The following DGKB variants were observed in gnomAD, a reference collection of about 807,000 sequenced individuals.
DGKB encodes diacylglycerol kinase beta.
In DGKB, 67 loss-of-function variants were observed where a neutral mutation model predicts 114.3. The ratio of observed to expected loss-of-function variants is 0.59; its 90% CI spans 0.48 to 0.72. DGKB has a LOEUF of 0.72. Ranked by LOEUF, DGKB falls within the 30% of genes least tolerant of loss-of-function variation. The pLI is 0.00. For synonymous variants in DGKB, 398 were observed against 323.1 expected (o/e 1.23, Z -2.49); for missense variants, 907 against 975.2 (o/e 0.93, Z 0.93).
intron 23 of DGKB, among the ~76,000 whole-genome samples, chr7:14,199,971 C>T (rs538559932): frequency 6.6e-6 from 1 of 151,906 alleles, no homozygotes; most frequent in Admixed American, 6.6e-5. Context: ...GTACAGGGCA[C>T]AAAAAGAGAC....
rs188381818 is a variant in DGKB, at chr7:14,599,792, G to T, written c.1433+7642C>A. 2.3e-3 allele frequency among the ~76,000 whole-genome samples: 350 copies of T among 152,152 alleles called. 1 individual carries two copies. Among genetic ancestry groups the T allele is most frequent in the African/African-American group, 7.8e-3 (323 of 41,500 alleles). ...TTTTGAACCAATTCATCTGCTATGG[G>T]TTTTCTTATTTTTACTTATTGGTAA... is the stretch of plus-strand genomic sequence containing the variant. On this transcript the variant is annotated intron_variant, in intron 17 of 25. Coordinates refer to ENST00000402815, the MANE Select transcript of DGKB (RefSeq NM_001350709.2).
chr7:14,244,180 A>G (rs1382496126), intron 23 of DGKB, among the ~76,000 whole-genome samples: 1 of 152,156 alleles, frequency 6.6e-6, no homozygotes, highest in East Asian at 1.9e-4. Context: ...GCCTTGAATA[A>G]AGTGCAGAAT....
At position 14,756,308 on chromosome 7, in the gene DGKB, C is replaced by A. The variant is rs141143263; in HGVS notation, c.147+1347G>T. ...TATAATTCATCTTTACGTTTCCCAC[C>A]CTGCTTTCTTAGGCTTTGAGATTCT... On this transcript the variant is annotated intron_variant, in intron 3 of 25. Transcript: ENST00000402815. Among the ~76,000 whole-genome samples the A allele has an allele frequency of 3.1e-3, 468 of 151,990 alleles. 9 individuals are homozygous for A. Among genetic ancestry groups the A allele is most frequent in the Admixed American group, 0.023 (357 of 15,232 alleles).
chr7:14,430,036 G>A (rs1372355562), intron 21 of DGKB, among the ~76,000 whole-genome samples: 1 of 152,110 alleles, frequency 6.6e-6, no homozygotes, highest in African/African-American at 2.4e-5. Flanking sequence ...TTTACTGATT[G>A]TTTGCTCTTT....
At chr7:14,817,285 G>A (rs1844288979) in intron 2 of DGKB, among the ~76,000 whole-genome samples, 1 of 152,148 alleles carries the variant, frequency 6.6e-6, no homozygotes. Context: ...TCTGAGGAAT[G>A]TTGTAAAGTT....
At chr7:14,241,529 C>T (rs1793640400) in intron 23 of DGKB, among the ~76,000 whole-genome samples, 1 of 152,036 alleles carries the variant, frequency 6.6e-6, no homozygotes, top group South Asian at 2.1e-4. Context: ...AAGAAATCAG[C>T]TGACTTTAAG....
At chr7:14,252,080 C>CT (rs1403064574) in intron 23 of DGKB, among the ~76,000 whole-genome samples, 2 of 152,106 alleles carry the variant, frequency 1.3e-5, no homozygotes, top group South Asian at 4.1e-4. Flanking sequence ...TTTAAATAAG[C>CT]TTTTTGCCCT....
At chr7:14,689,781 T>A (rs1822490197) in intron 9 of DGKB, among the ~76,000 whole-genome samples, 1 of 152,194 alleles carries the variant, frequency 6.6e-6, no homozygotes, top group Admixed American at 6.5e-5. Context: ...TAAAAACTTT[T>A]AAAAATCGAT....
chr7:14,562,633 T>C (rs1261645079), intron 20 of DGKB, among the ~76,000 whole-genome samples: 1 of 152,226 alleles, frequency 6.6e-6, no homozygotes, highest in Admixed American at 6.5e-5. Flanking sequence ...CTCGAAGGTT[T>C]AATGACTGCC....
intron 1 of DGKB, among the ~76,000 whole-genome samples, chr7:14,969,137 T>C (rs1298050649): frequency 6.6e-6 from 1 of 152,212 alleles, no homozygotes; most frequent in Non-Finnish European, 1.5e-5. Context: ...AGGTAGAATC[T>C]TGATATTACC....
At chr7:14,794,982 C>G (rs529545664) in intron 2 of DGKB, among the ~76,000 whole-genome samples, 1 of 152,188 alleles carries the variant, frequency 6.6e-6, no homozygotes, top group African/African-American at 2.4e-5. Context: ...CTGTAATGAC[C>G]TCCCCCAAGG....
At chr7:14,731,964 C>T (rs1830989096) in intron 5 of DGKB, among the ~76,000 whole-genome samples, 1 of 152,026 alleles carries the variant, frequency 6.6e-6, no homozygotes, top group Non-Finnish European at 1.5e-5. Context: ...TGATAAGAGG[C>T]ACTTATATTA....
At chr7:14,909,256 T>C (rs544299466) in intron 1 of DGKB, among the ~76,000 whole-genome samples, 137 of 152,316 alleles carry the variant, frequency 9.0e-4, no homozygotes, top group African/African-American at 3.2e-3. Context: ...CGGTGAATAA[T>C]GTCTTATCTT....
intron 23 of DGKB, among the ~76,000 whole-genome samples, chr7:14,247,979 A>C (rs1156710716): frequency 6.6e-6 from 1 of 152,014 alleles, no homozygotes; most frequent in East Asian, 1.9e-4. Flanking sequence ...TTTCTAGTTA[A>C]AGGTTTTATG....
intron 23 of DGKB, among the ~76,000 whole-genome samples, chr7:14,187,568 C>A (rs1783634974): frequency 6.6e-6 from 1 of 152,206 alleles, no homozygotes; most frequent in South Asian, 2.1e-4. Flanking sequence ...CAAACGCCTG[C>A]AGCCTAGAGC....
intron 21 of DGKB, among the ~76,000 whole-genome samples, chr7:14,386,745 T>G (rs1042642314): frequency 2.6e-5 from 4 of 152,146 alleles, no homozygotes; most frequent in African/African-American, 9.7e-5. Context: ...CAGGTACAAC[T>G]CTCTCAGGAG....
intron 1 of DGKB, among the ~76,000 whole-genome samples, chr7:14,940,779 A>G (rs1785530028): frequency 6.6e-6 from 1 of 151,846 alleles, no homozygotes; most frequent in Non-Finnish European, 1.5e-5. Flanking sequence ...TCCTTTATTT[A>G]TTTATTTTTT....
chr7:14,704,776 A>C (rs1317627648), intron 6 of DGKB, among the ~76,000 whole-genome samples: 1 of 152,136 alleles, frequency 6.6e-6, no homozygotes, highest in African/African-American at 2.4e-5. Flanking sequence ...TTAGAAGGAA[A>C]ACTAACAAAC....
intron 4 of DGKB, among the ~76,000 whole-genome samples, chr7:14,740,842 G>T (rs980706509): frequency 9.9e-5 from 15 of 152,140 alleles, no homozygotes; most frequent in African/African-American, 2.7e-4. Flanking sequence ...TGACACCCAT[G>T]GGTGGCACCC....
Sources: gnomAD v4.1 joint callset for allele counts (sites outside exome capture counted in the v4.1 genomes callset) on GRCh38, gnomAD v4.1.1 for gene constraint, MANE v1.5 for transcripts, NCBI Gene and HGNC (gene_info 2026-07-23, HGNC 2026-07-21) for gene names.